EPHA6: variants seen among roughly 807,000 people sequenced by gnomAD.
EPHA6 encodes the protein EPH receptor A6, also known as ephrin type-A receptor 6.
In EPHA6, 50 loss-of-function variants were observed where a neutral mutation model predicts 112.0. That is an observed-to-expected ratio of 0.45 (90% CI 0.36 to 0.56). The LOEUF is 0.56. EPHA6 is among the 20% of genes least tolerant of loss of function. EPHA6 has a pLI of 0.00. For missense variants in EPHA6, 1,280 were observed against 1,417.4 expected (o/e 0.90, Z 1.56); for synonymous variants, 529 against 490.7 (o/e 1.08, Z -1.03).
In EPHA6 at chr3:97,748,657, C is replaced by A. The variant is rs755082271; in HGVS notation, c.3349C>A (p.Arg1117Ser). The part of the protein sequence containing the change: ...RRIVSSIQTL[R>S]LHMMHIQEKG... ...AATAGTCAGCAGCATACAGACTTTA[C>A]GTTTACACATGATGCACATACAGGA... Residue 1117 changes from arginine to serine, a missense_variant, in exon 18 of 18, where the codon CGT becomes AGT. Around this residue, in one of 4 missense-constraint regions of EPHA6, gnomAD observed 145 missense variants for 153.3 expected, o/e 0.95. Coordinates refer to ENST00000389672, the MANE Select transcript of EPHA6 (RefSeq NM_001080448.3). 1.2e-6 allele frequency: 2 copies of A among 1,611,696 alleles called. No individual in the cohort carries two copies. Among genetic ancestry groups the A allele is most frequent in the African/African-American group, 1.3e-5 (1 of 74,960 alleles).
chr3:96,985,575 T>C (rs897290390), intron 2 of EPHA6, among the ~76,000 whole-genome samples: 1 of 152,148 alleles, frequency 6.6e-6, no homozygotes, highest in African/African-American at 2.4e-5. Context: ...TCATGTATAT[T>C]CCCATGAGAT....
At position 97,722,305 on chromosome 3, in the gene EPHA6, C is replaced by T. The variant is rs545458396; in HGVS notation, c.2934+1895C>T. Among the ~76,000 whole-genome samples the T allele has an allele frequency of 5.9e-5, 9 of 152,214 alleles. No homozygotes were observed. The South Asian group carries it at 1.7e-3, about 28-fold the overall frequency. On this transcript the variant is annotated intron_variant, in intron 15 of 17. Transcript: ENST00000389672. ...TCATTTAAAACTATTTAGTGAATGC[C>T]TTCTCCATTCTAGGAACTAGGCTTT...
At position 97,637,918 on chromosome 3, in the gene EPHA6, C is replaced by A; in HGVS notation, c.2620C>A (p.Arg874=). ...FTVIQLVGML[R]GIASGMKYLS... ...AGTCATCCAGTTGGTCGGAATGCTCCGAGGCATTGCATCAGGCATGAAGTA... is the reference window on the plus strand; with the variant it reads ...AGTCATCCAGTTGGTCGGAATGCTCAGAGGCATTGCATCAGGCATGAAGTA... The change falls in exon 14 of 18, where the codon CGA becomes AGA. Residue 874 remains arginine, a synonymous_variant. Transcript: ENST00000389672. 6.2e-7 allele frequency: 1 copy of A among 1,613,894 alleles called. No individual in the cohort carries two copies. Among genetic ancestry groups the A allele is most frequent in the Non-Finnish European group, 8.5e-7 (1 of 1,179,830 alleles).
At chr3:97,332,136 A>T (rs2082832149) in intron 5 of EPHA6, among the ~76,000 whole-genome samples, 1 of 152,172 alleles carries the variant, frequency 6.6e-6, no homozygotes, top group Non-Finnish European at 1.5e-5. Context: ...CCAGCATATA[A>T]ACAGAACCAA....
At position 97,748,605 on chromosome 3, in the gene EPHA6, A is replaced by G. The variant is rs775006130; in HGVS notation, c.3297A>G (p.Gly1099=). Residue 1099 remains glycine (G), a synonymous_variant, in exon 18 of 18, where the codon GGA becomes GGG. Transcript: ENST00000389672. The stretch of plus-strand genomic sequence containing the variant: ...CTTTCAGTGACATTAGAAGAATTGG[A>G]GTCATACTTATTGGACACCAGAGAC... The part of the protein sequence containing the change: ...RMSIDDIRRI[G]VILIGHQRRI... The G allele has an allele frequency of 6.2e-7, 1 of 1,602,412 alleles. No homozygotes were observed. Among genetic ancestry groups the G allele is most frequent in the Non-Finnish European group, 8.5e-7 (1 of 1,170,022 alleles).
chr3:97,422,072 T>C (rs912818686), intron 6 of EPHA6, among the ~76,000 whole-genome samples: 2 of 149,328 alleles, frequency 1.3e-5, no homozygotes, highest in Non-Finnish European at 3.0e-5. Flanking sequence ...ACAAATGAAA[T>C]GCATATTCTT....
At chr3:97,463,203 A>T (rs1380227264) in intron 7 of EPHA6, among the ~76,000 whole-genome samples, 2 of 152,048 alleles carry the variant, frequency 1.3e-5, no homozygotes, top group Non-Finnish European at 2.9e-5. Context: ...TGCACCCATT[A>T]ACTCGTCATT....
At chr3:97,503,171 C>T (rs1207552346) in intron 10 of EPHA6, among the ~76,000 whole-genome samples, 1 of 151,938 alleles carries the variant, frequency 6.6e-6, no homozygotes, top group African/African-American at 2.4e-5. Context: ...ATTACAAAAA[C>T]TGACCTCAGG....
At position 96,814,989 on chromosome 3, in the gene EPHA6, T is replaced by C; in HGVS notation, c.366T>C (p.Ser122=). Residue 122 remains serine (S), a synonymous_variant, in exon 1 of 18, where the codon AGT becomes AGC. Transcript: ENST00000389672. ...PLLTAWPGDC[S]HVSNNQVVLL... is the part of the protein sequence containing the mutation. ...TGACAGCGTGGCCAGGCGACTGCAGTCACGTCTCCAACAACCAAGGTAAGG... is the reference window on the plus strand; with the variant it reads ...TGACAGCGTGGCCAGGCGACTGCAGCCACGTCTCCAACAACCAAGGTAAGG... 6.5e-7 allele frequency: 1 copy of C among 1,527,234 alleles called. No homozygotes were observed. Among genetic ancestry groups the C allele is most frequent in the Non-Finnish European group, 8.8e-7 (1 of 1,131,648 alleles). 94.6% of individuals were successfully genotyped at this position (1,527,234 alleles called of 1,614,324 possible). A position where few individuals can be genotyped will look rare whatever the true frequency, so the allele number is the denominator to read the frequency against.
intron 5 of EPHA6, among the ~76,000 whole-genome samples, chr3:97,334,088 A>G (rs1191282178): frequency 2.0e-5 from 3 of 152,012 alleles, no homozygotes; most frequent in Non-Finnish European, 2.9e-5. Context: ...GCTTGTTGAT[A>G]TAGTCGGTTA....
chr3:97,514,453 T>C (rs1438688904), intron 10 of EPHA6, among the ~76,000 whole-genome samples: 1 of 152,156 alleles, frequency 6.6e-6, no homozygotes, highest in Non-Finnish European at 1.5e-5. Context: ...CTGTAAAGTC[T>C]TTTTTGCTAA....
In EPHA6 at chr3:97,751,208, A is replaced by G. The variant is rs2035892690; in HGVS notation, c.*2507A>G. On this transcript the variant is annotated 3_prime_UTR_variant, in exon 18 of 18. Coordinates refer to ENST00000389672, the MANE Select transcript of EPHA6 (RefSeq NM_001080448.3). ...ATTCTATTAAGTTATTTAAATTTCT[A>G]TGGGATGAGCATTCAGTGATTACAA... Among the ~76,000 whole-genome samples, 1 of 152,114 alleles carries G rather than the reference A, an allele frequency of 6.6e-6. No homozygotes were observed. The highest frequency in any genetic ancestry group is 2.4e-5 in the African/African-American group (1 of 41,450).
chr3:97,122,547 A>C (rs7630911), intron 3 of EPHA6, among the ~76,000 whole-genome samples: 7,532 of 152,116 alleles, frequency 0.05, 647 homozygotes, highest in African/African-American at 0.17. Context: ...AAACACTACA[A>C]ATATCTCTGG....
At chr3:97,372,197 C>T (rs1193446381) in intron 5 of EPHA6, among the ~76,000 whole-genome samples, 1 of 152,016 alleles carries the variant, frequency 6.6e-6, no homozygotes, top group African/African-American at 2.4e-5. Flanking sequence ...CAGAACCTGC[C>T]AACATGTGAT....
chr3:97,505,009 C>T (rs2092211372), intron 10 of EPHA6, among the ~76,000 whole-genome samples: 1 of 151,684 alleles, frequency 6.6e-6, no homozygotes, highest in African/African-American at 2.4e-5. Flanking sequence ...TTTATTTGAT[C>T]TGGTTACATG....
intron 2 of EPHA6, among the ~76,000 whole-genome samples, chr3:96,869,478 T>C (rs933559078): frequency 2.6e-5 from 4 of 151,842 alleles, no homozygotes; most frequent in Admixed American, 6.6e-5. Flanking sequence ...TTATTTCATG[T>C]ATGTATCAGG....
At chr3:97,529,736 G>A (rs908866525) in intron 10 of EPHA6, among the ~76,000 whole-genome samples, 19 of 152,072 alleles carry the variant, frequency 1.2e-4, no homozygotes, top group African/African-American at 4.1e-4. Flanking sequence ...TTTGCCTAGA[G>A]AACACACTAA....
At chr3:97,035,658 A>G (rs1050760412) in intron 3 of EPHA6, among the ~76,000 whole-genome samples, 22 of 151,758 alleles carry the variant, frequency 1.4e-4, no homozygotes, top group African/African-American at 5.1e-4. Context: ...TATATTTTCA[A>G]CTTCTTACAT....
At chr3:96,826,907 A>G (rs1056443722) in intron 1 of EPHA6, among the ~76,000 whole-genome samples, 19 of 152,160 alleles carry the variant, frequency 1.2e-4, no homozygotes, top group Non-Finnish European at 1.8e-4. Context: ...TTCATATACT[A>G]GTGATAAGCT....
Sources: allele counts gnomAD v4.1 joint callset (sites outside exome capture counted in the v4.1 genomes callset), GRCh38; gene constraint gnomAD v4.1.1; regional missense constraint gnomAD v4.1.1; transcripts MANE v1.5; gene names NCBI Gene and HGNC (gene_info 2026-07-23, HGNC 2026-07-21).